The following MUC3A variants were observed in gnomAD, a reference collection of about 807,000 sequenced individuals.
MUC3A encodes mucin-3A.
MUC3A carries 109 observed loss-of-function variants against 109.0 expected under a neutral mutation model. The ratio of observed to expected loss-of-function variants is 1.00; its 90% CI spans 0.86 to 1.17. The LOEUF (loss-of-function observed/expected upper bound fraction) is 1.17. Ranked by LOEUF, MUC3A falls within the 50% of genes most tolerant of loss-of-function variation. The probability of loss-of-function intolerance (pLI) is 0.00; values close to 1 mark genes in which losing one functional copy is unlikely to be tolerated. For synonymous variants in MUC3A, 1,398 were observed against 981.4 expected (o/e 1.42, Z -7.93); for missense variants, 3,537 against 2,469.4 (o/e 1.43, Z -9.16).
intron 4 of MUC3A, 114 bp from the exon 5 acceptor site, chr7:100,963,574 G>A (rs1409843003): frequency 8.5e-6 from 13 of 1,526,284 alleles, no homozygotes; most frequent in African/African-American, 8.2e-5. Context: ...CGTGAGCCAC[G>A]GCACCCGGCC....
At chr7:100,951,460 C>G (rs569581414) in intron 1 of MUC3A, among the ~76,000 whole-genome samples, 1 of 146,176 alleles carries the variant, frequency 6.8e-6, no homozygotes, top group East Asian at 2.0e-4. Context: ...GATGGGAGCA[C>G]TCCAGGCAGT....
At chr7:100,962,866 A>G (rs1452419696) in intron 3 of MUC3A, among the ~76,000 whole-genome samples, 1 of 113,534 alleles carries the variant, frequency 8.8e-6, no homozygotes, top group African/African-American at 3.4e-5. Flanking sequence ...TTTCTTTTTC[A>G]TTTTCTTGAG....
In MUC3A at chr7:100,959,617, C is replaced by A; in HGVS notation, c.7838C>A (p.Thr2613Asn). ...GATTCCTCCACGTCCACTCTTCATA[C>A]TCTTACTCCATCAACAGCCTTGAGC... is the stretch of plus-strand genomic sequence containing the variant. ...STDSSTSTLH[T>N]LTPSTALSTI... The change falls in exon 2 of 12, where the codon ACT becomes AAT. Residue 2613 changes from threonine (T) to asparagine (N), a missense_variant. Coordinates refer to ENST00000379458, the MANE Select transcript of MUC3A (RefSeq NM_005960.2). 6.3e-7 allele frequency: 1 copy of A among 1,598,356 alleles called. No individual in the cohort carries two copies. Among genetic ancestry groups the A allele is most frequent in the Non-Finnish European group, 8.5e-7 (1 of 1,179,682 alleles).
At position 100,952,206 on chromosome 7, in the gene MUC3A, T is replaced by A. The variant is rs1791967466; in HGVS notation, c.427T>A (p.Ser143Thr). 6.3e-7 allele frequency: 1 copy of A among 1,598,434 alleles called. No homozygotes were observed. Among genetic ancestry groups the A allele is most frequent in the African/African-American group, 1.3e-5 (1 of 74,958 alleles). ...SFIITISHPT[S>T]ICVTTTQVAF... ...TATAATCACCATCTCCCACCCCACC[T>A]CCATCTGTGTGACCACGACGCAGGT... Residue 143 changes from serine to threonine, a missense_variant, in exon 2 of 12, where the codon TCC (serine) becomes ACC (threonine). Transcript: ENST00000379458.
intron 3 of MUC3A, 35 bp from the exon 4 acceptor site, chr7:100,963,116 A>G (rs1251057331): frequency 3.1e-6 from 5 of 1,589,998 alleles, no homozygotes; most frequent in African/African-American, 1.3e-5. Context: ...AAAAGCAGAC[A>G]GAGAAGTGAC....
rs753124048 is a variant in MUC3A, at chr7:100,960,313, A to G, written c.8534A>G (p.Asn2845Ser). ...GAAAGTGAGTCCAGCATCTCACCCA[A>G]TGCTTCCAGTTCCACTGGCACTGGG... The part of the protein sequence containing the change: ...MPESESSISP[N>S]ASSSTGTGTV... The change falls in exon 2 of 12, where the codon AAT (asparagine) becomes AGT (serine). Residue 2845 changes from asparagine (N) to serine (S), a missense_variant. Asn to Ser is a conservative substitution (Grantham distance 46, BLOSUM62 1). Coordinates refer to ENST00000379458, the MANE Select transcript of MUC3A (RefSeq NM_005960.2). The G allele has an allele frequency of 1.2e-5, 19 of 1,598,420 alleles. No individual in the cohort carries two copies. The highest frequency in any genetic ancestry group is 1.2e-4 in the Admixed American group (7 of 60,012).
In MUC3A at chr7:100,966,518, G is replaced by A. The variant is rs1358602285; in HGVS notation, c.9744G>A (p.Arg3248=). 1.5e-6 allele frequency: 2 copies of A among 1,313,332 alleles called. No individual in the cohort carries two copies. Among genetic ancestry groups the A allele is most frequent in the Non-Finnish European group, 1.9e-6 (2 of 1,041,240 alleles). 81.4% of individuals were successfully genotyped at this position (1,313,332 alleles called of 1,614,324 possible). The change falls in exon 9 of 12, where the codon CGG becomes CGA. Residue 3248 remains arginine (R), a synonymous_variant. Transcript: ENST00000379458. ...LVLLLLALGV[R]AVRSGWWGGQ... ...TGCTGCTGCTGGCGCTGGGCGTCCG[G>A]GCGGTGCGCTCCGGATGGTGGGGCG...
At position 100,960,018 on chromosome 7, in the gene MUC3A, T is replaced by A. The variant is rs1792265055; in HGVS notation, c.8239T>A (p.Ser2747Thr). The A allele has an allele frequency of 6.6e-7, 1 of 1,509,622 alleles. No homozygotes were observed. Among genetic ancestry groups the A allele is most frequent in the Non-Finnish European group, 8.8e-7 (1 of 1,140,726 alleles). The allele number at this position is 1,509,622 out of a possible 1,614,324, so 93.5% of individuals were successfully genotyped here. A position where few individuals can be genotyped will look rare whatever the true frequency, so the allele number is the denominator to read the frequency against. ...TACCAGCACTTCTTCAACCAGCTCC[T>A]CTCTGACCACAGCTCTCACTGAAAT... ...ATTSTSSTSS[S>T]LTTALTEITP... The change falls in exon 2 of 12, where the codon TCT (serine) becomes ACT (threonine). Residue 2747 changes from serine to threonine, a missense_variant. By Grantham distance (58) the Ser-to-Thr change is moderately conservative. Coordinates refer to ENST00000379458, the MANE Select transcript of MUC3A (RefSeq NM_005960.2).
rs1201685472 is a variant in MUC3A, at chr7:100,949,831, G to A, written c.61+146G>A. The A allele has an allele frequency of 8.2e-6, 5 of 609,610 alleles. No homozygotes were observed. The African/African-American group carries it at 9.8e-5, about 12-fold the overall frequency. 37.8% of individuals were successfully genotyped at this position (609,610 alleles called of 1,614,324 possible). A position where few individuals can be genotyped will look rare whatever the true frequency, so the allele number is the denominator to read the frequency against. On this transcript the variant is annotated intron_variant, in intron 1 of 11. Transcript: ENST00000379458. Reference sequence around the variant, plus strand: ...CTGGGTGCAGGGAGAACCGAGGCACGGCCTGACTGGGGGAGGGGGCGGTGA... The same window carrying A: ...CTGGGTGCAGGGAGAACCGAGGCACAGCCTGACTGGGGGAGGGGGCGGTGA...
In MUC3A at chr7:100,965,855, T is replaced by C. The variant is rs1261100949; in HGVS notation, c.9600T>C (p.Gly3200=). 2.5e-6 allele frequency: 4 copies of C among 1,593,898 alleles called. No homozygotes were observed. Among genetic ancestry groups the C allele is most frequent in the Non-Finnish European group, 3.4e-6 (4 of 1,176,788 alleles). The change falls in exon 8 of 12, where the codon GGT becomes GGC. Residue 3200 remains glycine (G), a synonymous_variant. Coordinates refer to ENST00000379458, the MANE Select transcript of MUC3A (RefSeq NM_005960.2). ...HQGQCVLETS[G]PTCRCYSTDT... is the part of the protein sequence containing the mutation. ...GCCAGTGCGTTCTGGAGACGAGCGG[T>C]CCCACGTGTCGGTAAGGCCCCGCTC... is the stretch of plus-strand genomic sequence containing the variant.
In MUC3A at chr7:100,960,264, A is replaced by G. The variant is rs748628237; in HGVS notation, c.8485A>G (p.Met2829Val). 7 of 1,598,432 alleles carry G rather than the reference A, an allele frequency of 4.4e-6. No individual in the cohort carries two copies. The highest frequency in any genetic ancestry group is 5.9e-6 in the Non-Finnish European group (7 of 1,179,832). ...TATCCAAACTACTCTTACTACATAT[A>G]TGGACACTTCTTCCATGATGCCAGA... is the stretch of plus-strand genomic sequence containing the variant. ...ISIQTTLTTYMDTSSMMPESE... is the reference protein window; with the variant it reads ...ISIQTTLTTYVDTSSMMPESE... The change falls in exon 2 of 12, where the codon ATG becomes GTG. Residue 2829 changes from methionine (M) to valine (V), a missense_variant. Coordinates refer to ENST00000379458, the MANE Select transcript of MUC3A (RefSeq NM_005960.2).
At position 100,966,497 on chromosome 7, in the gene MUC3A, G is replaced by A. The variant is rs1469687227; in HGVS notation, c.9723G>A (p.Leu3241=). The part of the protein sequence containing the change: ...LTAGAALLVL[L]LLALGVRAVR... ...CCGGCGCCGCGCTGCTGGTGCTGCTGCTGCTGGCGCTGGGCGTCCGGGCGG... is the reference window on the plus strand; with the variant it reads ...CCGGCGCCGCGCTGCTGGTGCTGCTACTGCTGGCGCTGGGCGTCCGGGCGG... The change falls in exon 9 of 12, where the codon CTG becomes CTA. Residue 3241 remains leucine, a synonymous_variant. Transcript: ENST00000379458. 2 of 1,308,642 alleles carry A rather than the reference G, an allele frequency of 1.5e-6. No homozygotes were observed. Among genetic ancestry groups the A allele is most frequent in the Non-Finnish European group, 1.9e-6 (2 of 1,038,338 alleles). The allele number at this position is 1,308,642 out of a possible 1,614,324, so 81.1% of individuals were successfully genotyped here. A position where few individuals can be genotyped will look rare whatever the true frequency, so the allele number is the denominator to read the frequency against.
At chr7:100,964,518 G>A (rs150576274) in intron 5 of MUC3A, 177 bp from the exon 6 acceptor site, 28,406 of 1,039,960 alleles carry the variant, frequency 0.027, no homozygotes, top group Middle Eastern at 0.033. Flanking sequence ...TGCCTTCCCA[G>A]GCAGACCAAG....
chr7:100,963,071 T>G (rs1226887867), intron 3 of MUC3A, 80 bp from the exon 4 acceptor site: 1 of 1,487,516 alleles, frequency 6.7e-7, no homozygotes, highest in African/African-American at 1.4e-5. Flanking sequence ...AGGAGGAGCC[T>G]GTGGGTTGGG....
rs1185377910 is a variant in MUC3A at position 100,965,707 on chromosome 7, T to C, written c.9452T>C (p.Ile3151Thr). ...CATCCCCCTCCCCAACCCCCAGCCA[T>C]CTGCCGCCGCGCCGCTCCCACGGGC... The part of the protein sequence containing the change: ...NSKTELTPAA[I>T]CRRAAPTGYE... The change falls in exon 8 of 12, where the codon ATC becomes ACC. Residue 3151 changes from isoleucine to threonine, a missense_variant. By Grantham distance (89) the Ile-to-Thr change is moderately conservative. Coordinates refer to ENST00000379458, the MANE Select transcript of MUC3A (RefSeq NM_005960.2). 12 of 1,596,858 alleles carry C rather than the reference T, an allele frequency of 7.5e-6. No homozygotes were observed. The highest frequency in any genetic ancestry group is 1.0e-5 in the Non-Finnish European group (12 of 1,178,914).
chr7:100,966,883 T>C lies in MUC3A; in HGVS notation c.9878-16T>C, dbSNP rs772542180. On this transcript the variant is annotated splice_polypyrimidine_tract_variant and intron_variant, in intron 10 of 11. Coordinates refer to ENST00000379458, the MANE Select transcript of MUC3A (RefSeq NM_005960.2). ...TCCCTCTCCCCTTCTCTTTCTCCGC[T>C]CCTCTCTCTCTCTAGACAAGGATAC... The C allele has an allele frequency of 1.3e-6, 2 of 1,598,522 alleles. No individual in the cohort carries two copies. Among genetic ancestry groups the C allele is most frequent in the Admixed American group, 1.7e-5 (1 of 60,032 alleles).
intron 3 of MUC3A, among the ~76,000 whole-genome samples, chr7:100,962,654 T>C (rs1792367608): frequency 1.5e-5 from 2 of 129,486 alleles, no homozygotes; most frequent in African/African-American, 5.1e-5. Context: ...TCTTTTCTTT[T>C]GTCTCTTTCT....
intron 3 of MUC3A, 187 bp downstream of exon 3, chr7:100,961,124 T>A (rs112381150): frequency 0.027 from 25,341 of 952,836 alleles, no homozygotes; most frequent in African/African-American, 0.18. Context: ...CCTTAGGAGG[T>A]GGCTGGGACT....
Position 100,954,753 on chromosome 7 carries a change from A to G in MUC3A, c.2974A>G (p.Thr992Ala). The G allele has an allele frequency of 2.5e-6, 1 of 401,948 alleles. No homozygotes were observed. Among genetic ancestry groups the G allele is most frequent in the Non-Finnish European group, 4.4e-6 (1 of 228,328 alleles). 24.9% of individuals were successfully genotyped at this position (401,948 alleles called of 1,614,324 possible). A position where few individuals can be genotyped will look rare whatever the true frequency, so the allele number is the denominator to read the frequency against. Residue 992 changes from threonine to alanine, a missense_variant, in exon 2 of 12, where the codon ACA (threonine) becomes GCA (alanine). Thr to Ala is a moderately conservative substitution (Grantham distance 58). Coordinates refer to ENST00000379458, the MANE Select transcript of MUC3A (RefSeq NM_005960.2). ...CCCTGAGACCACTACACTGACTCCT[A>G]CAACTGACATTTCTACAGTATCTCT... The part of the protein sequence containing the change: ...TFPETTTLTP[T>A]TDISTVSLTT...
Sources: allele counts gnomAD v4.1 joint callset (sites outside exome capture counted in the v4.1 genomes callset), GRCh38; gene constraint gnomAD v4.1.1; transcripts MANE v1.5; gene names NCBI Gene and HGNC (gene_info 2026-07-23, HGNC 2026-07-21).